TBC1D2B: variants seen among roughly 807,000 people sequenced by gnomAD.
TBC1D2B encodes TBC1 domain family member 2B, also known as TBC1 domain family, member 2B.
Under a neutral mutation model 100.8 loss-of-function variants are expected in TBC1D2B, and 64 were observed. The observed-to-expected ratio is 0.64, with a 90% CI of 0.52 to 0.78. The LOEUF is 0.78. Ranked by LOEUF, TBC1D2B falls within the 30% of genes least tolerant of loss-of-function variation. TBC1D2B has a pLI of 0.00. For missense variants in TBC1D2B, 1,052 were observed against 1,218.4 expected (o/e 0.86, Z 2.03); for synonymous variants, 480 against 479.7 (o/e 1.00, Z -0.01).
At chr15:78,052,529 G>A (rs1567030554) in intron 2 of TBC1D2B, among the ~76,000 whole-genome samples, 1 of 152,330 alleles carries the variant, frequency 6.6e-6, no homozygotes, top group South Asian at 2.1e-4. Context: ...ATGGGCTTCA[G>A]ATGTTTTCTC....
intron 10 of TBC1D2B, among the ~76,000 whole-genome samples, chr15:78,004,811 A>C (rs988887696): frequency 3.3e-5 from 5 of 152,216 alleles, no homozygotes; most frequent in African/African-American, 1.2e-4. Context: ...CCTCCGTATA[A>C]GAGGGTTTCA....
intron 3 of TBC1D2B, chr15:78,034,560 C>G (rs1326386189): frequency 1.0e-6 from 1 of 985,284 alleles, no homozygotes; most frequent in Non-Finnish European, 1.2e-6. Context: ...CAGGGACACC[C>G]CCACACGGCC....
intron 4 of TBC1D2B, among the ~76,000 whole-genome samples, chr15:78,029,333 C>T (rs1053456736): frequency 1.3e-5 from 2 of 152,182 alleles, no homozygotes; most frequent in African/African-American, 4.8e-5. Context: ...GCTGGGATTA[C>T]AGGCGTAAGC....
intron 3 of TBC1D2B, among the ~76,000 whole-genome samples, chr15:78,044,466 C>T (rs544866128): frequency 6.6e-6 from 1 of 152,294 alleles, no homozygotes; most frequent in Admixed American, 6.5e-5. Context: ...CCCACCTCTA[C>T]TCTCACTAGC....
At chr15:78,020,466 G>C (rs1389641179) in intron 6 of TBC1D2B, among the ~76,000 whole-genome samples, 1 of 152,212 alleles carries the variant, frequency 6.6e-6, no homozygotes, top group African/African-American at 2.4e-5. Flanking sequence ...AAGACCTTAT[G>C]AGGAGCCAGG....
intron 1 of TBC1D2B, among the ~76,000 whole-genome samples, chr15:78,070,413 G>A (rs990516749): frequency 1.3e-5 from 2 of 152,160 alleles, no homozygotes; most frequent in African/African-American, 4.8e-5. Context: ...CCTAGCACTG[G>A]TTGGTGTTTG....
intron 3 of TBC1D2B, among the ~76,000 whole-genome samples, chr15:78,030,573 G>C (rs2072783751): frequency 6.6e-6 from 1 of 152,126 alleles, no homozygotes. Flanking sequence ...GCCTCCCAAA[G>C]TGCTGGGATT....
At chr15:78,061,922 C>T (rs569880936) in intron 1 of TBC1D2B, among the ~76,000 whole-genome samples, 3 of 152,204 alleles carry the variant, frequency 2.0e-5, no homozygotes, top group East Asian at 3.9e-4. Context: ...TGTGGCACAG[C>T]AGAAATTCAC....
chr15:78,025,590 A>C, intron 4 of TBC1D2B, 93 bp from the exon 5 acceptor site: 1 of 942,498 alleles, frequency 1.1e-6, no homozygotes, highest in Non-Finnish European at 1.5e-6. Flanking sequence ...GCAGTGGCGC[A>C]ATGTCGGCTC....
At chr15:78,022,473 A>G (rs1486001038) in intron 6 of TBC1D2B, among the ~76,000 whole-genome samples, 2 of 152,238 alleles carry the variant, frequency 1.3e-5, no homozygotes, top group Non-Finnish European at 2.9e-5. Context: ...GTGTACATTA[A>G]AAAACCCAAC....
Position 78,054,079 on chromosome 15 carries a change from T to C in TBC1D2B, c.469A>G (p.Thr157Ala), listed in dbSNP as rs369892294. The change falls in exon 2 of 13, where the codon ACT (threonine) becomes GCT (alanine). Residue 157 changes from threonine to alanine, a missense_variant. Thr to Ala is a moderately conservative substitution (Grantham distance 58). This residue lies in a region of TBC1D2B where 627 missense variants were observed against 646.1 expected (regional missense o/e 0.97). Transcript: ENST00000300584. ...AGACCCTTAGGAAAATCCCCGGGAG[T>C]TGGAGAGGTCCTGCTGTCCCACTTG... is the stretch of plus-strand genomic sequence containing the variant. Reference protein sequence around the residue: ...MVKWDSRTSPTPGDFPKGLVA... With the variant: ...MVKWDSRTSPAPGDFPKGLVA... 10 of 1,613,406 alleles carry C rather than the reference T, an allele frequency of 6.2e-6. No individual in the cohort carries two copies. Among genetic ancestry groups the C allele is most frequent in the Non-Finnish European group, 6.8e-6 (8 of 1,179,750 alleles).
intron 5 of TBC1D2B, among the ~76,000 whole-genome samples, chr15:78,025,052 C>A (rs2072622873): frequency 6.6e-6 from 1 of 152,156 alleles, no homozygotes. Flanking sequence ...ACTCTCCTTG[C>A]AAATGCAAAC....
chr15:78,013,273 T>C lies in TBC1D2B; in HGVS notation c.1820A>G (p.Glu607Gly). The change falls in exon 9 of 13, where the codon GAG (glutamate) becomes GGG (glycine). Residue 607 changes from glutamate (E) to glycine (G), a missense_variant. This residue lies in a region of TBC1D2B where 373 missense variants were observed against 464.9 expected (regional missense o/e 0.80). Coordinates refer to ENST00000300584, the MANE Select transcript of TBC1D2B (RefSeq NM_144572.2). ...YGFRTVPEDD[E>G]EEKLVAKVRA... is the part of the protein sequence containing the mutation. Reference sequence around the variant, plus strand: ...GACCTTGGCAACCAATTTCTCTTCCTCATCATCCTCAGGTACAGTCCTGAA... The same window carrying C: ...GACCTTGGCAACCAATTTCTCTTCCCCATCATCCTCAGGTACAGTCCTGAA... 1.2e-6 allele frequency: 2 copies of C among 1,613,948 alleles called. No homozygotes were observed. The highest frequency in any genetic ancestry group is 1.7e-6 in the Non-Finnish European group (2 of 1,179,860).
chr15:78,073,954 G>T (rs2073781732), intron 1 of TBC1D2B, among the ~76,000 whole-genome samples: 1 of 151,054 alleles, frequency 6.6e-6, no homozygotes, highest in Non-Finnish European at 1.5e-5. Flanking sequence ...GGGCGACACA[G>T]CAAGACTCTG....
chr15:78,057,979 C>T (rs1431369722), intron 1 of TBC1D2B, among the ~76,000 whole-genome samples: 1 of 152,218 alleles, frequency 6.6e-6, no homozygotes. Context: ...CTCTTTATCG[C>T]CCCAGTCCCA....
intron 12 of TBC1D2B, 89 bp downstream of exon 12, chr15:78,001,530 T>A: frequency 6.9e-7 from 1 of 1,451,860 alleles, no homozygotes; most frequent in African/African-American, 1.4e-5. Context: ...TGGCTCTGAG[T>A]TGGAAGACAG....
intron 1 of TBC1D2B, among the ~76,000 whole-genome samples, chr15:78,072,613 C>T (rs554177828): frequency 6.6e-6 from 1 of 152,216 alleles, no homozygotes. Flanking sequence ...TATTCAGTTA[C>T]GTGTGGCTCA....
intron 2 of TBC1D2B, among the ~76,000 whole-genome samples, chr15:78,053,613 A>C (rs1177852540): frequency 5.3e-5 from 8 of 152,242 alleles, no homozygotes; most frequent in Non-Finnish European, 1.0e-4. Context: ...CCTAAGAAAC[A>C]CTAGAGAATT....
intron 1 of TBC1D2B, among the ~76,000 whole-genome samples, chr15:78,068,391 A>C (rs1044315473): frequency 6.8e-6 from 1 of 147,992 alleles, no homozygotes; most frequent in Non-Finnish European, 1.5e-5. Context: ...ACCCACACAC[A>C]CACACACACA....
Sources: gnomAD v4.1 joint callset for allele counts (sites outside exome capture counted in the v4.1 genomes callset) on GRCh38, gnomAD v4.1.1 for gene constraint, gnomAD v4.1.1 regional missense constraint, MANE v1.5 for transcripts, NCBI Gene and HGNC (gene_info 2026-07-23, HGNC 2026-07-21) for gene names.